Variants in BPIFC observed in about 807,000 individuals in gnomAD.
BPIFC encodes BPI fold-containing family C protein.
A neutral mutation model predicts 57.6 loss-of-function variants in BPIFC; 60 were observed. That is an observed-to-expected ratio of 1.04 (90% CI 0.85 to 1.29). The LOEUF (loss-of-function observed/expected upper bound fraction) is 1.29. BPIFC is among the 50% of genes most tolerant of loss of function. The pLI is 0.00. For missense variants in BPIFC, 581 were observed against 600.5 expected (o/e 0.97, Z 0.34); for synonymous variants, 243 against 224.5 (o/e 1.08, Z -0.74).
intron 8 of BPIFC, among the ~76,000 whole-genome samples, chr22:32,439,120 G>T (rs1004806172): frequency 6.6e-6 from 1 of 152,156 alleles, no homozygotes; most frequent in Non-Finnish European, 1.5e-5. Flanking sequence ...GAGGTCAGGA[G>T]TTTGAGACCA....
rs146400817 is a variant in BPIFC at position 32,421,711 on chromosome 22, C to T, written c.1218-2307G>A. Among the ~76,000 whole-genome samples the T allele has an allele frequency of 4.2e-3, 635 of 152,324 alleles. 4 individuals are homozygous for T. Among genetic ancestry groups the T allele is most frequent in the African/African-American group, 0.014 (602 of 41,574 alleles). On this transcript the variant is annotated intron_variant, in intron 13 of 16. Transcript: ENST00000300399. ...GCACTGGGACAGGTGCTAGAGATAG[C>T]AGCCTTGTGAGCAAAACTAGACACA...
chr22:32,428,947 C>A (rs980917772), intron 13 of BPIFC, among the ~76,000 whole-genome samples: 2 of 151,974 alleles, frequency 1.3e-5, no homozygotes, highest in Non-Finnish European at 2.9e-5. Context: ...AATATACTTA[C>A]AAAGAAAATT....
chr22:32,445,712 TGA>T lies in BPIFC; in HGVS notation c.531-16_531-15del. On this transcript the variant is annotated splice_polypyrimidine_tract_variant and intron_variant, in intron 6 of 16. Coordinates refer to ENST00000300399, the MANE Select transcript of BPIFC (RefSeq NM_174932.3). ...TTATACAGAACACTGAGGAAAAAAA[TGA>T]AAAAAAAAAAAAAAAAAAAAAGAGG... 5 of 169,402 alleles carry T rather than the reference TGA, an allele frequency of 3.0e-5. No homozygotes were observed. Among genetic ancestry groups the T allele is most frequent in the South Asian group, 3.7e-4 (2 of 5,376 alleles). The allele number at this position is 169,402 out of a possible 1,614,324, so 10.5% of individuals were successfully genotyped here.
intron 4 of BPIFC, among the ~76,000 whole-genome samples, chr22:32,449,837 C>A (rs1186713749): frequency 6.6e-6 from 1 of 151,902 alleles, no homozygotes; most frequent in African/African-American, 2.4e-5. Flanking sequence ...CGGGTTCACG[C>A]CATTCTCTTG....
At chr22:32,427,660 G>T (rs540857842) in intron 13 of BPIFC, among the ~76,000 whole-genome samples, 5 of 152,036 alleles carry the variant, frequency 3.3e-5, no homozygotes, top group Admixed American at 6.6e-5. Flanking sequence ...CTCACCTTTG[G>T]TTCCTTCCCC....
intron 4 of BPIFC, 112 bp downstream of exon 4, chr22:32,453,271 A>G: frequency 1.2e-6 from 1 of 818,424 alleles, no homozygotes; most frequent in East Asian, 2.9e-5. Flanking sequence ...ACAGCAGAAC[A>G]GAAAAAGATA....
At chr22:32,414,576 C>T (rs1288291860) in intron 16 of BPIFC, 151 bp from the exon 17 acceptor site, 7 of 974,022 alleles carry the variant, frequency 7.2e-6, no homozygotes, top group East Asian at 3.0e-5. Flanking sequence ...TGTGGTGGTG[C>T]GATCTTGGCT....
At chr22:32,455,050 C>CTTTTTTTTTTTT (rs1392514246) in intron 3 of BPIFC, among the ~76,000 whole-genome samples, 1 of 134,148 alleles carries the variant, frequency 7.5e-6, no homozygotes. Flanking sequence ...TTTTCATCTC[C>CTTTTTTTTTTTT]ATTTTTTTTT....
At chr22:32,457,195 T>C in intron 3 of BPIFC, 68 bp downstream of exon 3, 1 of 1,527,926 alleles carries the variant, frequency 6.5e-7, no homozygotes, top group Non-Finnish European at 8.8e-7. Flanking sequence ...TGTTATGAGC[T>C]GTTCAGTTTG....
intron 3 of BPIFC, among the ~76,000 whole-genome samples, chr22:32,456,232 T>C (rs1305540153): frequency 2.0e-5 from 3 of 152,240 alleles, no homozygotes; most frequent in Non-Finnish European, 4.4e-5. Context: ...TACACACACA[T>C]GCATATACAC....
intron 15 of BPIFC, 88 bp from the exon 16 acceptor site, chr22:32,416,079 C>CT (rs386395239): frequency 0.16 from 66,965 of 431,824 alleles, 1,075 homozygotes; most frequent in East Asian, 0.29. Flanking sequence ...TGACAGCTTG[C>CT]TTTTTTTTTT....
intron 3 of BPIFC, 130 bp downstream of exon 3, chr22:32,457,133 A>T (rs1011271487): frequency 9.4e-7 from 1 of 1,059,510 alleles, no homozygotes; most frequent in Admixed American, 3.4e-5. Context: ...GTTTCTGCAT[A>T]AGGTACTGGA....
At chr22:32,459,556 G>C (rs1022590947) in intron 2 of BPIFC, among the ~76,000 whole-genome samples, 1 of 152,042 alleles carries the variant, frequency 6.6e-6, no homozygotes, top group Non-Finnish European at 1.5e-5. Flanking sequence ...CCAGCTACTC[G>C]GGACGCTGAG....
intron 14 of BPIFC, 42 bp downstream of exon 14, chr22:32,419,320 G>T (rs760530176): frequency 1.9e-6 from 3 of 1,577,364 alleles, no homozygotes; most frequent in African/African-American, 1.4e-5. Context: ...GAGAATCCTC[G>T]TTCTTCCAGT....
chr22:32,461,727 G>GCAGCCACTAACC, intron 1 of BPIFC, 66 bp from the exon 2 acceptor site: 2 of 823,772 alleles, frequency 2.4e-6, no homozygotes, highest in Non-Finnish European at 2.9e-6. Flanking sequence ...ACTCAGGTTA[G>GCAGCCACTAACC]TGGCTGCTGA....
rs1288228292 is a variant in BPIFC, at chr22:32,419,296, A to C, written c.1260+66T>G. The C allele has an allele frequency of 4.7e-6, 7 of 1,483,770 alleles. No homozygotes were observed. In the African/African-American group the frequency reaches 7.1e-5, roughly 15 times the overall value. 91.9% of individuals were successfully genotyped at this position (1,483,770 alleles called of 1,614,324 possible). On this transcript the variant is annotated intron_variant, in intron 14 of 16. Transcript: ENST00000300399. ...AGTCACAGAAAACAATTAATTCGCT[A>C]TTATATATAGTAGGAGAATCCTCGT...
chr22:32,419,838 A>C (rs1191355217), intron 13 of BPIFC, among the ~76,000 whole-genome samples: 5 of 151,394 alleles, frequency 3.3e-5, no homozygotes, highest in African/African-American at 4.9e-5. Flanking sequence ...ATAAAAATAA[A>C]ACACACACAC....
intron 9 of BPIFC, among the ~76,000 whole-genome samples, chr22:32,437,305 T>G (rs973956700): frequency 1.3e-5 from 2 of 152,228 alleles, no homozygotes; most frequent in African/African-American, 4.8e-5. Flanking sequence ...GGCAGTTGCT[T>G]GAAAGAAAAT....
At chr22:32,431,150 G>T (rs1934227864) in intron 13 of BPIFC, among the ~76,000 whole-genome samples, 197 bp downstream of exon 13, 2 of 144,218 alleles carry the variant, frequency 1.4e-5, no homozygotes, top group East Asian at 4.1e-4. Context: ...GAGTCTCACT[G>T]TCACCCAGGC....
Sources: gnomAD v4.1 joint callset for allele counts (sites outside exome capture counted in the v4.1 genomes callset) on GRCh38, gnomAD v4.1.1 for gene constraint, MANE v1.5 for transcripts, NCBI Gene and HGNC (gene_info 2026-07-23, HGNC 2026-07-21) for gene names.